Variants in OSBPL1A observed in about 807,000 individuals in gnomAD.
OSBPL1A encodes the protein oxysterol-binding protein-related protein 1.
OSBPL1A carries 80 observed loss-of-function variants against 137.1 expected under a neutral mutation model. The ratio of observed to expected loss-of-function variants is 0.58; its 90% confidence interval spans 0.49 to 0.70. The LOEUF (loss-of-function observed/expected upper bound fraction) is 0.70, where lower values mean the gene tolerates loss of function less well. Among genes scored for constraint, OSBPL1A ranks in the 30% least tolerant of loss-of-function variants. OSBPL1A has a pLI of 0.00. For missense variants in OSBPL1A, 970 were observed against 1,129.4 expected (o/e 0.86, Z 2.02); for synonymous variants, 365 against 389.7 (o/e 0.94, Z 0.75).
At chr18:24,314,097 T>A (rs577235849) in intron 12 of OSBPL1A, 152 bp downstream of exon 12, 1 of 492,174 alleles carries the variant, frequency 2.0e-6, no homozygotes. Context: ...AGAGTGAGAC[T>A]CTGTCTCAAA....
intron 15 of OSBPL1A, among the ~76,000 whole-genome samples, chr18:24,262,585 A>C (rs967721370): frequency 1.3e-5 from 2 of 152,236 alleles, no homozygotes; most frequent in Non-Finnish European, 2.9e-5. Context: ...TGTTTAAATA[A>C]ACTTTATTTG....
intron 2 of OSBPL1A, among the ~76,000 whole-genome samples, chr18:24,372,874 G>A (rs986902135): frequency 2.6e-5 from 4 of 152,120 alleles, no homozygotes; most frequent in African/African-American, 9.7e-5. Flanking sequence ...GACCAGCCTG[G>A]CCAACATGGT....
intron 14 of OSBPL1A, among the ~76,000 whole-genome samples, chr18:24,285,076 G>A (rs1345250331): frequency 2.0e-5 from 3 of 152,060 alleles, no homozygotes; most frequent in Admixed American, 6.6e-5. Context: ...CAACAACGAC[G>A]ACAAAATATC....
intron 4 of OSBPL1A, among the ~76,000 whole-genome samples, chr18:24,349,795 A>G (rs966386147): frequency 3.9e-5 from 6 of 152,012 alleles, no homozygotes; most frequent in African/African-American, 1.4e-4. Context: ...AAAGCCCCCA[A>G]CCACAGATGA....
intron 16 of OSBPL1A, among the ~76,000 whole-genome samples, chr18:24,225,716 C>T (rs1048593256): frequency 6.6e-6 from 1 of 151,958 alleles, no homozygotes; most frequent in Non-Finnish European, 1.5e-5. Flanking sequence ...AATCCCAGTA[C>T]TATGGGAGGC....
chr18:24,259,393 A>T (rs990228100), intron 15 of OSBPL1A, among the ~76,000 whole-genome samples: 5 of 152,130 alleles, frequency 3.3e-5, no homozygotes, highest in Non-Finnish European at 7.3e-5. Context: ...CCCAAGTTTT[A>T]CCTTTTGCCC....
chr18:24,281,038 C>CCTG, intron 14 of OSBPL1A, 90 bp from the exon 15 acceptor site: 1 of 726,542 alleles, frequency 1.4e-6, no homozygotes, highest in Admixed American at 3.4e-5. Flanking sequence ...ATCTATTAAC[C>CCTG]TCATCTTTCC....
chr18:24,273,500 C>G (rs2089770006), intron 15 of OSBPL1A, among the ~76,000 whole-genome samples: 1 of 152,240 alleles, frequency 6.6e-6, no homozygotes, highest in Non-Finnish European at 1.5e-5. Context: ...CGCTCAATTT[C>G]AGATGTGGAA....
At chr18:24,163,423 C>A in intron 27 of OSBPL1A, 142 bp from the exon 28 acceptor site, 1 of 575,686 alleles carries the variant, frequency 1.7e-6, no homozygotes, top group African/African-American at 1.9e-5. Flanking sequence ...TGAAGTGATG[C>A]TGTATTTCTG....
intron 13 of OSBPL1A, among the ~76,000 whole-genome samples, chr18:24,311,061 A>G (rs752618066): frequency 1.3e-5 from 2 of 152,188 alleles, no homozygotes; most frequent in Non-Finnish European, 2.9e-5. Flanking sequence ...AATTCTGGGG[A>G]ATGTCTTCAA....
chr18:24,265,044 C>T lies in OSBPL1A; in HGVS notation c.1281+15798G>A, dbSNP rs144808870. 3.8e-3 allele frequency among the ~76,000 whole-genome samples: 572 copies of T among 152,330 alleles called. 2 individuals carry two copies. The highest frequency in any genetic ancestry group is 0.013 in the African/African-American group (559 of 41,582). ...GGCATCCACATCCTGCCTCCACTGC[C>T]AATAAAACCTCTGAAGACCATCAGA... is the stretch of plus-strand genomic sequence containing the variant. On this transcript the variant is annotated intron_variant, in intron 15 of 27. Transcript: ENST00000319481.
chr18:24,368,590 C>T (rs1905358402), intron 2 of OSBPL1A: 5 of 468,046 alleles, frequency 1.1e-5, no homozygotes, highest in Non-Finnish European at 2.0e-5. Flanking sequence ...GTCTTCACCT[C>T]TAAAGGGATA....
intron 7 of OSBPL1A, among the ~76,000 whole-genome samples, chr18:24,325,350 A>G (rs1328896819): frequency 6.6e-6 from 1 of 151,456 alleles, no homozygotes; most frequent in Non-Finnish European, 1.5e-5. Flanking sequence ...GATGCTATCC[A>G]CTCTTCTCCA....
intron 13 of OSBPL1A, among the ~76,000 whole-genome samples, chr18:24,310,555 T>G (rs912235288): frequency 7.4e-6 from 1 of 135,928 alleles, no homozygotes; most frequent in Non-Finnish European, 1.5e-5. Flanking sequence ...TGAGCCGAGA[T>G]CGCGCCACTG....
At chr18:24,180,363 T>A (rs986627634) in intron 19 of OSBPL1A, among the ~76,000 whole-genome samples, 5 of 152,182 alleles carry the variant, frequency 3.3e-5, no homozygotes, top group Non-Finnish European at 5.9e-5. Flanking sequence ...CAATCTTCCA[T>A]CTAAAACATT....
chr18:24,347,470 C>A (rs1199765665), intron 4 of OSBPL1A, among the ~76,000 whole-genome samples: 1 of 152,166 alleles, frequency 6.6e-6, no homozygotes, highest in Non-Finnish European at 1.5e-5. Flanking sequence ...CAGGCGTAAG[C>A]CACAGCGCCC....
rs181628427 is a variant in OSBPL1A at position 24,334,621 on chromosome 18, T to A, written c.395-291A>T. Among the ~76,000 whole-genome samples, 325 of 152,316 alleles carry A rather than the reference T, an allele frequency of 2.1e-3. 1 individual carries two copies. The highest frequency in any genetic ancestry group is 7.5e-3 in the African/African-American group (312 of 41,584). On this transcript the variant is annotated intron_variant, in intron 5 of 27. Coordinates refer to ENST00000319481, the MANE Select transcript of OSBPL1A (RefSeq NM_080597.4). The stretch of plus-strand genomic sequence containing the variant: ...TATGTACCGAAACACTATTACATAT[T>A]TGCCTTGGAAAGGTAGGTAAGTGGG...
chr18:24,179,653 A>G (rs1222905326), intron 20 of OSBPL1A, 85 bp downstream of exon 20: 10 of 1,152,906 alleles, frequency 8.7e-6, no homozygotes, highest in Non-Finnish European at 1.3e-5. Flanking sequence ...AGTCCTATAT[A>G]ATTGTTATTC....
intron 17 of OSBPL1A, among the ~76,000 whole-genome samples, chr18:24,211,243 C>T (rs568586135): frequency 2.0e-4 from 30 of 152,250 alleles, no homozygotes; most frequent in East Asian, 3.9e-4. Flanking sequence ...CTGGGATTTA[C>T]GGGCATAAGC....
Sources: allele counts gnomAD v4.1 joint callset (sites outside exome capture counted in the v4.1 genomes callset), GRCh38; gene constraint gnomAD v4.1.1; transcripts MANE v1.5; gene names NCBI Gene and HGNC (gene_info 2026-07-23, HGNC 2026-07-21).